The following PRKG1 variants were observed in gnomAD, a reference collection of about 807,000 sequenced individuals.
The protein encoded by PRKG1 is protein kinase cGMP-dependent 1, also known as cGMP-dependent protein kinase 1.
In PRKG1, 35 loss-of-function variants were observed where a neutral mutation model predicts 88.1. The ratio of observed to expected loss-of-function variants is 0.40; its 90% CI spans 0.30 to 0.53. The LOEUF (loss-of-function observed/expected upper bound fraction) is 0.53. Among genes scored for constraint, PRKG1 ranks in the 20% least tolerant of loss-of-function variants. The probability of loss-of-function intolerance (pLI) is 0.59; values close to 1 mark genes in which losing one functional copy is unlikely to be tolerated. For synonymous variants in PRKG1, 303 were observed against 292.5 expected (o/e 1.04, Z -0.37); for missense variants, 540 against 839.8 (o/e 0.64, Z 4.41).
At chr10:51,380,104 C>G (rs1837038649) in intron 2 of PRKG1, among the ~76,000 whole-genome samples, 1 of 152,186 alleles carries the variant, frequency 6.6e-6, no homozygotes, top group African/African-American at 2.4e-5. Context: ...ATTGCACTCT[C>G]TCTCTACCCC....
intron 2 of PRKG1, among the ~76,000 whole-genome samples, chr10:51,306,077 A>T (rs1445213304): frequency 6.6e-6 from 1 of 152,200 alleles, no homozygotes; most frequent in Non-Finnish European, 1.5e-5. Flanking sequence ...CCATTATTTT[A>T]CTGAAGACAA....
At chr10:51,740,532 T>C (rs539698955) in intron 3 of PRKG1, among the ~76,000 whole-genome samples, 5 of 152,346 alleles carry the variant, frequency 3.3e-5, no homozygotes, top group Admixed American at 3.3e-4. Context: ...TCTGGATTGA[T>C]AGAAGACAGC....
At chr10:51,416,843 CG>C (rs753278343) in intron 2 of PRKG1, among the ~76,000 whole-genome samples, 33 of 152,120 alleles carry the variant, frequency 2.2e-4, no homozygotes, top group Non-Finnish European at 2.9e-4. Flanking sequence ...GCTTTGTGCA[CG>C]GATGTGACTC....
intron 4 of PRKG1, among the ~76,000 whole-genome samples, chr10:51,825,133 T>A (rs547908497): frequency 2.0e-5 from 3 of 152,304 alleles, no homozygotes; most frequent in African/African-American, 7.2e-5. Flanking sequence ...TAAGAATAGG[T>A]CACTGTAGCC....
At chr10:51,944,364 G>A (rs1842977155) in intron 5 of PRKG1, among the ~76,000 whole-genome samples, 1 of 151,792 alleles carries the variant, frequency 6.6e-6, no homozygotes, top group African/African-American at 2.4e-5. Flanking sequence ...TATTAGTCTT[G>A]TTAGCAGTCT....
chr10:51,091,504 T>C (rs896208173), intron 1 of PRKG1, among the ~76,000 whole-genome samples: 2 of 152,208 alleles, frequency 1.3e-5, no homozygotes, highest in Non-Finnish European at 2.9e-5. Flanking sequence ...TGAATGACTA[T>C]GTGACACAAT....
chr10:51,839,160 CAGTT>C (rs1840205008), intron 4 of PRKG1, among the ~76,000 whole-genome samples: 1 of 92,600 alleles, frequency 1.1e-5, no homozygotes, highest in African/African-American at 3.2e-5. Flanking sequence ...ATTTTTTTAA[CAGTT>C]GGTTGAGCAG....
At chr10:51,277,939 C>G (rs1264320695) in intron 2 of PRKG1, among the ~76,000 whole-genome samples, 1 of 152,102 alleles carries the variant, frequency 6.6e-6, no homozygotes, top group Admixed American at 6.6e-5. Flanking sequence ...ATTGAATACC[C>G]TTTCTTTCTT....
At chr10:51,823,255 G>A (rs1839795126) in intron 4 of PRKG1, among the ~76,000 whole-genome samples, 2 of 152,042 alleles carry the variant, frequency 1.3e-5, no homozygotes, top group Admixed American at 6.6e-5. Flanking sequence ...TAAACAATAT[G>A]CTAGACTTTA....
In PRKG1 at chr10:51,506,544, T is replaced by A. The variant is rs561807136; in HGVS notation, c.592+38708T>A. On this transcript the variant is annotated intron_variant, in intron 3 of 17. Coordinates refer to ENST00000373980, the MANE Select transcript of PRKG1 (RefSeq NM_006258.4). Reference sequence around the variant, plus strand: ...GACATTTATGCAGCCAAAAGACACATGAAAAAATGCTCATCATCACTGGCT... The same window carrying A: ...GACATTTATGCAGCCAAAAGACACAAGAAAAAATGCTCATCATCACTGGCT... Among the ~76,000 whole-genome samples the A allele has an allele frequency of 1.3e-4, 20 of 152,130 alleles. No homozygotes were observed. The South Asian group carries it at 4.2e-3, about 32-fold the overall frequency.
chr10:51,348,265 C>T (rs1439740934), intron 2 of PRKG1, among the ~76,000 whole-genome samples: 3 of 152,140 alleles, frequency 2.0e-5, no homozygotes, highest in South Asian at 2.1e-4. Flanking sequence ...GCCCTTAAAC[C>T]GATATGTGCA....
intron 1 of PRKG1, among the ~76,000 whole-genome samples, chr10:50,998,353 A>T (rs1842856248): frequency 6.6e-6 from 1 of 152,138 alleles, no homozygotes; most frequent in Admixed American, 6.5e-5. Flanking sequence ...TATTACTCTA[A>T]TCTCTTAAAA....
chr10:52,273,462 T>C (rs959517006), intron 12 of PRKG1, among the ~76,000 whole-genome samples: 1 of 152,012 alleles, frequency 6.6e-6, no homozygotes, highest in Non-Finnish European at 1.5e-5. Context: ...TATATAACCA[T>C]GTAATGTTTT....
chr10:51,362,744 C>T (rs930453803), intron 2 of PRKG1, among the ~76,000 whole-genome samples: 20 of 151,766 alleles, frequency 1.3e-4, no homozygotes, highest in Non-Finnish European at 1.5e-5. Flanking sequence ...CCATCGTCTA[C>T]GTTAGGTATT....
At chr10:51,372,745 T>C (rs1350318779) in intron 2 of PRKG1, among the ~76,000 whole-genome samples, 1 of 152,210 alleles carries the variant, frequency 6.6e-6, no homozygotes, top group Non-Finnish European at 1.5e-5. Flanking sequence ...CAAATTGAGA[T>C]ATAATTTTAT....
intron 1 of PRKG1, among the ~76,000 whole-genome samples, chr10:51,069,185 G>A (rs942569033): frequency 2.0e-5 from 3 of 151,844 alleles, no homozygotes; most frequent in Non-Finnish European, 4.4e-5. Flanking sequence ...TAGCAATTAT[G>A]GTACAGTACG....
At chr10:52,232,234 T>A (rs1274052150) in intron 9 of PRKG1, among the ~76,000 whole-genome samples, 1 of 150,528 alleles carries the variant, frequency 6.6e-6, no homozygotes. Context: ...ACCCGGGAGG[T>A]GGAGGATGCA....
chr10:51,451,847 G>C (rs533644408), intron 2 of PRKG1, among the ~76,000 whole-genome samples: 73 of 151,876 alleles, frequency 4.8e-4, no homozygotes, highest in African/African-American at 1.7e-3. Flanking sequence ...GAAGGCAAAA[G>C]AGGTTATTAC....
intron 3 of PRKG1, among the ~76,000 whole-genome samples, chr10:51,680,688 C>A (rs1312935517): frequency 6.6e-6 from 1 of 152,240 alleles, no homozygotes; most frequent in East Asian, 1.9e-4. Flanking sequence ...TATGGTGCTA[C>A]AGTACTCTGT....
Sources: allele counts gnomAD v4.1 joint callset (sites outside exome capture counted in the v4.1 genomes callset), GRCh38; gene constraint gnomAD v4.1.1; transcripts MANE v1.5; gene names NCBI Gene and HGNC (gene_info 2026-07-23, HGNC 2026-07-21).